Variants in CHN1 observed in about 807,000 individuals in gnomAD.
The protein encoded by CHN1 is chimerin 1, also known as N-chimaerin.
Under a neutral mutation model 59.5 loss-of-function variants are expected in CHN1, and 37 were observed. The observed-to-expected ratio is 0.62, with a 90% confidence interval of 0.48 to 0.82. CHN1 has a LOEUF of 0.82. Among genes scored for constraint, CHN1 ranks in the 40% least tolerant of loss-of-function variants. The pLI is 0.00. For synonymous variants in CHN1, 206 were observed against 200.4 expected, an observed-to-expected ratio of 1.03 and a Z score of -0.24; for missense variants, 469 against 571.0, an observed-to-expected ratio of 0.82 and a Z score of 1.82.
chr2:174,808,221 T>G (rs1175723278), intron 11 of CHN1, among the ~76,000 whole-genome samples: 1 of 152,222 alleles, frequency 6.6e-6, no homozygotes, highest in African/African-American at 2.4e-5. Flanking sequence ...TAGAAACATA[T>G]AGTAATCTGA....
chr2:174,982,739 C>T (rs190255765), intron 1 of CHN1, among the ~76,000 whole-genome samples: 246 of 152,190 alleles, frequency 1.6e-3, no homozygotes, highest in African/African-American at 5.5e-3. Context: ...TTTCTGTAAG[C>T]AAGAGCACAC....
intron 1 of CHN1, among the ~76,000 whole-genome samples, chr2:175,002,503 G>A (rs1691923565): frequency 6.6e-6 from 1 of 152,110 alleles, no homozygotes; most frequent in South Asian, 2.1e-4. Context: ...ACAAAATCAG[G>A]TAATGTTAGA....
At chr2:174,818,572 G>T (rs1685362158) in intron 8 of CHN1, among the ~76,000 whole-genome samples, 1 of 151,912 alleles carries the variant, frequency 6.6e-6, no homozygotes, top group African/African-American at 2.4e-5. Context: ...GTCCATAAAT[G>T]ATTTCATTTG....
intron 1 of CHN1, among the ~76,000 whole-genome samples, chr2:174,998,587 G>A (rs1262224362): frequency 6.6e-6 from 1 of 152,114 alleles, no homozygotes; most frequent in Non-Finnish European, 1.5e-5. Flanking sequence ...CAGCGCTGCT[G>A]GATAAAAAAC....
At chr2:174,803,751 A>C (rs1024318575) in intron 11 of CHN1, among the ~76,000 whole-genome samples, 2 of 152,082 alleles carry the variant, frequency 1.3e-5, no homozygotes, top group Non-Finnish European at 2.9e-5. Flanking sequence ...ACAAGGTCTC[A>C]CTATGTTGCC....
intron 3 of CHN1, among the ~76,000 whole-genome samples, chr2:174,934,902 G>A (rs1558988179): frequency 6.6e-6 from 1 of 152,212 alleles, no homozygotes; most frequent in East Asian, 1.9e-4. Flanking sequence ...GTGTCTTGTA[G>A]GTTCTTTTCA....
chr2:174,846,027 T>C (rs1306251884), intron 7 of CHN1, among the ~76,000 whole-genome samples: 1 of 152,178 alleles, frequency 6.6e-6, no homozygotes, highest in Non-Finnish European at 1.5e-5. Context: ...AGAACATTCA[T>C]GTCTCAAGAA....
chr2:174,884,412 G>A (rs1289742759), intron 5 of CHN1, among the ~76,000 whole-genome samples: 1 of 152,110 alleles, frequency 6.6e-6, no homozygotes, highest in African/African-American at 2.4e-5. Context: ...AAGAACTGGT[G>A]CTCACAAAAT....
chr2:174,800,006 T>C lies in CHN1; in HGVS notation c.*110A>G. The C allele has an allele frequency of 9.6e-7, 1 of 1,043,090 alleles. No individual in the cohort carries two copies. Among genetic ancestry groups the C allele is most frequent in the Non-Finnish European group, 1.4e-6 (1 of 696,546 alleles). 64.6% of individuals were successfully genotyped at this position (1,043,090 alleles called of 1,614,324 possible). On this transcript the variant is annotated 3_prime_UTR_variant, in exon 13 of 13. Coordinates refer to ENST00000409900, the MANE Select transcript of CHN1 (RefSeq NM_001822.7). ...GAAAGTTCCTTCACTTTAATCTGGT[T>C]ATATGCCCAAACCTCTAATCAAGAA...
intron 5 of CHN1, among the ~76,000 whole-genome samples, chr2:174,881,755 T>C (rs917260807): frequency 2.0e-5 from 3 of 152,218 alleles, no homozygotes; most frequent in Non-Finnish European, 4.4e-5. Context: ...AGGAGCTCTT[T>C]GTGAAATTTT....
At chr2:174,843,974 C>G (rs201344573) in intron 7 of CHN1, among the ~76,000 whole-genome samples, 4 of 150,080 alleles carry the variant, frequency 2.7e-5, no homozygotes, top group East Asian at 3.9e-4. Context: ...CTCTCTTTCT[C>G]TGTGTGTGTG....
At chr2:174,987,283 T>C (rs1267518722) in intron 1 of CHN1, among the ~76,000 whole-genome samples, 1 of 152,146 alleles carries the variant, frequency 6.6e-6, no homozygotes, top group Non-Finnish European at 1.5e-5. Context: ...TCAACTCTAG[T>C]ATGGTTTTAT....
chr2:174,931,768 G>A (rs752295456), intron 3 of CHN1, among the ~76,000 whole-genome samples: 4 of 152,214 alleles, frequency 2.6e-5, no homozygotes, highest in Non-Finnish European at 5.9e-5. Flanking sequence ...GTCACAATGG[G>A]CCTCGCTGGG....
At chr2:174,883,038 A>T (rs922443411) in intron 5 of CHN1, among the ~76,000 whole-genome samples, 1 of 152,230 alleles carries the variant, frequency 6.6e-6, no homozygotes, top group African/African-American at 2.4e-5. Context: ...ACACATAATG[A>T]TATTTCCTTG....
intron 1 of CHN1, among the ~76,000 whole-genome samples, chr2:174,999,623 A>G (rs1274254322): frequency 6.6e-6 from 1 of 152,252 alleles, no homozygotes; most frequent in Non-Finnish European, 1.5e-5. Flanking sequence ...GCTTTAAATT[A>G]GTATAAAACA....
chr2:174,924,806 G>A (rs1445881743), intron 3 of CHN1, among the ~76,000 whole-genome samples: 1 of 152,086 alleles, frequency 6.6e-6, no homozygotes, highest in Non-Finnish European at 1.5e-5. Context: ...ACATCTTTAT[G>A]CTTACACAAA....
chr2:174,827,267 T>C (rs1323914408), intron 7 of CHN1, among the ~76,000 whole-genome samples: 1 of 152,254 alleles, frequency 6.6e-6, no homozygotes, highest in African/African-American at 2.4e-5. Context: ...GTCATTTTTA[T>C]TCATTCATAA....
chr2:174,920,275 A>G (rs1688978489), intron 3 of CHN1, among the ~76,000 whole-genome samples: 1 of 152,220 alleles, frequency 6.6e-6, no homozygotes. Context: ...TACTATGAAT[A>G]ATGCTGCAAG....
At chr2:174,853,624 A>G (rs1166966569) in intron 6 of CHN1, among the ~76,000 whole-genome samples, 2 of 152,310 alleles carry the variant, frequency 1.3e-5, no homozygotes, top group East Asian at 3.9e-4. Context: ...ACAGATCATT[A>G]TACCAAAAAG....
Sources: gnomAD v4.1 joint callset for allele counts (sites outside exome capture counted in the v4.1 genomes callset) on GRCh38, gnomAD v4.1.1 for gene constraint, MANE v1.5 for transcripts, NCBI Gene and HGNC (gene_info 2026-07-23, HGNC 2026-07-21) for gene names.